Variants in GPATCH1 observed in about 807,000 individuals in gnomAD.
GPATCH1 encodes the protein G patch domain-containing protein 1.
Under a neutral mutation model 114.9 loss-of-function variants are expected in GPATCH1, and 73 were observed. That is an observed-to-expected ratio of 0.64 (90% CI 0.53 to 0.77). The LOEUF (loss-of-function observed/expected upper bound fraction) is 0.77. Ranked by LOEUF, GPATCH1 falls within the 30% of genes least tolerant of loss-of-function variation. The probability of loss-of-function intolerance (pLI) is 0.00; values close to 1 mark genes in which losing one functional copy is unlikely to be tolerated. For synonymous variants in GPATCH1, 391 were observed against 428.4 expected, an observed-to-expected ratio of 0.91 and a Z score of 1.08; for missense variants, 1,058 against 1,144.3, an observed-to-expected ratio of 0.92 and a Z score of 1.09.
chr19:33,104,338 C>CAAAAAAAAAA (rs759908888), intron 9 of GPATCH1, among the ~76,000 whole-genome samples: 1,334 of 124,434 alleles, frequency 0.011, 71 homozygotes, highest in African/African-American at 0.042. Context: ...GACCCTGTCT[C>CAAAAAAAAAA]AAAAAAAAGA....
At chr19:33,095,559 A>C (rs1371639647) in intron 5 of GPATCH1, among the ~76,000 whole-genome samples, 4 of 149,468 alleles carry the variant, frequency 2.7e-5, no homozygotes, top group African/African-American at 7.4e-5. Flanking sequence ...CGCTGCGCCC[A>C]GCCTTTTTTT....
Position 33,125,120 on chromosome 19 carries a change from T to G in GPATCH1, c.2537T>G (p.Leu846Arg), listed in dbSNP as rs1973025704. ...TGTGTTTCAGATGCTCGTCAGACACTTGAGGTTCCTCAAAAAGAGAAACAT... is the reference window on the plus strand; with the variant it reads ...TGTGTTTCAGATGCTCGTCAGACACGTGAGGTTCCTCAAAAAGAGAAACAT... ...PVFCPNARQT[L>R]EVPQKEKHKK... is the part of the protein sequence containing the mutation. The change falls in exon 18 of 20, where the codon CTT becomes CGT. Residue 846 changes from leucine to arginine, a missense_variant. Transcript: ENST00000170564. 6.2e-7 allele frequency: 1 copy of G among 1,600,138 alleles called. No individual in the cohort carries two copies. The highest frequency in any genetic ancestry group is 1.3e-5 in the African/African-American group (1 of 74,438).
chr19:33,099,485 G>C (rs1179999225), intron 8 of GPATCH1, among the ~76,000 whole-genome samples: 2 of 151,660 alleles, frequency 1.3e-5, no homozygotes, highest in Admixed American at 6.6e-5. Context: ...CTCTCCCCCA[G>C]CTTCCTCTCT....
intron 1 of GPATCH1, among the ~76,000 whole-genome samples, chr19:33,082,599 T>A (rs1972490399): frequency 6.6e-6 from 1 of 152,126 alleles, no homozygotes; most frequent in Non-Finnish European, 1.5e-5. Flanking sequence ...ATCCCAGCAC[T>A]CTGGGAGGCT....
At position 33,114,366 on chromosome 19, in the gene GPATCH1, A is replaced by G. The variant is rs1568347881; in HGVS notation, c.2143A>G (p.Ser715Gly). The change falls in exon 15 of 20, where the codon AGC becomes GGC. Residue 715 changes from serine to glycine, a missense_variant. Ser to Gly is a moderately conservative substitution (Grantham distance 56, BLOSUM62 0). Coordinates refer to ENST00000170564, the MANE Select transcript of GPATCH1 (RefSeq NM_018025.3). ...AGCCGAGCCACCTAAACAACAGTCC[A>G]GCCCCTTAGTAAACAAAGAGGAAGA... Reference protein sequence around the residue: ...SKAEPPKQQSSPLVNKEEEHA... With the variant: ...SKAEPPKQQSGPLVNKEEEHA... 1.9e-6 allele frequency: 3 copies of G among 1,611,250 alleles called. No homozygotes were observed. Among genetic ancestry groups the G allele is most frequent in the South Asian group, 2.2e-5 (2 of 90,752 alleles).
At chr19:33,115,104 C>T (rs1239072211) in intron 15 of GPATCH1, among the ~76,000 whole-genome samples, 7 of 151,270 alleles carry the variant, frequency 4.6e-5, no homozygotes, top group African/African-American at 1.2e-4. Flanking sequence ...ACTCTGTGCC[C>T]AGGCTGGAGT....
At chr19:33,124,290 G>A (rs1973016902) in intron 17 of GPATCH1, among the ~76,000 whole-genome samples, 1 of 152,148 alleles carries the variant, frequency 6.6e-6, no homozygotes, top group African/African-American at 2.4e-5. Flanking sequence ...ATGGAGAATT[G>A]AGGCACATGC....
chr19:33,095,497 T>G (rs1279020684), intron 5 of GPATCH1, among the ~76,000 whole-genome samples: 1 of 151,878 alleles, frequency 6.6e-6, no homozygotes, highest in Non-Finnish European at 1.5e-5. Flanking sequence ...CTCCCGACCT[T>G]GTGATCCACC....
chr19:33,119,054 C>A lies in GPATCH1; in HGVS notation c.2458C>A (p.Gln820Lys). The stretch of plus-strand genomic sequence containing the variant: ...GGAGCCGCCACCTTCCTTCCCGATA[C>A]AAAAGATGCAGATAGATGAAAGAGA... ...PQEPPPSFPI[Q>K]KMQIDEREEF... Residue 820 changes from glutamine (Q) to lysine (K), a missense_variant, in exon 17 of 20, where the codon CAA becomes AAA. Gln to Lys is a moderately conservative substitution (Grantham distance 53). Coordinates refer to ENST00000170564, the MANE Select transcript of GPATCH1 (RefSeq NM_018025.3). 3.1e-6 allele frequency: 5 copies of A among 1,613,430 alleles called. No homozygotes were observed. The highest frequency in any genetic ancestry group is 4.2e-6 in the Non-Finnish European group (5 of 1,179,754).
In GPATCH1 at chr19:33,081,241, G is replaced by C. The variant is rs1322086875; in HGVS notation, c.48G>C (p.Gly16=). The stretch of plus-strand genomic sequence containing the variant: ...GCGAAGAAGATCTGGTCAGCTATGG[G>C]ACCGGGCTGGAGCCTCTGGAAGAAG... ...SDSEEDLVSY[G]TGLEPLEEGE... is the part of the protein sequence containing the mutation. The change falls in exon 1 of 20, where the codon GGG becomes GGC. Residue 16 remains glycine, a synonymous_variant. Coordinates refer to ENST00000170564, the MANE Select transcript of GPATCH1 (RefSeq NM_018025.3). The C allele has an allele frequency of 6.4e-7, 1 of 1,551,718 alleles. No individual in the cohort carries two copies. Among genetic ancestry groups the C allele is most frequent in the Non-Finnish European group, 8.7e-7 (1 of 1,147,038 alleles).
chr19:33,082,325 C>T (rs1254837851), intron 1 of GPATCH1, among the ~76,000 whole-genome samples: 2 of 152,122 alleles, frequency 1.3e-5, no homozygotes, highest in African/African-American at 4.8e-5. Context: ...GCTGTGCTAG[C>T]CCTGTAGGGA....
At chr19:33,086,703 G>A (rs894491748) in intron 1 of GPATCH1, among the ~76,000 whole-genome samples, 38 of 152,202 alleles carry the variant, frequency 2.5e-4, no homozygotes, top group Non-Finnish European at 4.3e-4. Context: ...TGATCCACCC[G>A]CCTCAGCCTC....
At chr19:33,122,675 C>A (rs1434701909) in intron 17 of GPATCH1, among the ~76,000 whole-genome samples, 1 of 152,014 alleles carries the variant, frequency 6.6e-6, no homozygotes, top group Non-Finnish European at 1.5e-5. Flanking sequence ...TCTTTTATGT[C>A]CCTTTACCAT....
intron 5 of GPATCH1, among the ~76,000 whole-genome samples, chr19:33,094,854 AG>A (rs1458932904): frequency 2.6e-5 from 4 of 152,108 alleles, no homozygotes; most frequent in African/African-American, 9.7e-5. Context: ...ACTGCTAGGT[AG>A]GGCAGGTGCT....
At chr19:33,097,716 T>TA in intron 7 of GPATCH1, 39 bp from the exon 8 acceptor site, 3 of 1,601,002 alleles carry the variant, frequency 1.9e-6, no homozygotes, top group Non-Finnish European at 2.6e-6. Flanking sequence ...AGACATACCC[T>TA]AACACCTGTG....
chr19:33,090,766 T>A lies in GPATCH1; in HGVS notation c.209-14T>A. On this transcript the variant is annotated splice_polypyrimidine_tract_variant and intron_variant, in intron 2 of 19. Coordinates refer to ENST00000170564, the MANE Select transcript of GPATCH1 (RefSeq NM_018025.3). ...TCTCTAGGATTGTAAAGTTCTAAAC[T>A]CTTTTTTTTTCAGGATGGACACCCT... 2 of 1,562,728 alleles carry A rather than the reference T, an allele frequency of 1.3e-6. No homozygotes were observed. Among genetic ancestry groups the A allele is most frequent in the Non-Finnish European group, 1.8e-6 (2 of 1,133,696 alleles).
intron 3 of GPATCH1, 68 bp downstream of exon 3, chr19:33,090,933 TTC>T: frequency 1.1e-6 from 1 of 899,840 alleles, no homozygotes; most frequent in Non-Finnish European, 1.9e-6. Context: ...TGTAACTGCC[TTC>T]TCTCTCCCCA....
chr19:33,121,147 G>T (rs980437342), intron 17 of GPATCH1, among the ~76,000 whole-genome samples: 1 of 151,276 alleles, frequency 6.6e-6, no homozygotes, highest in East Asian at 1.9e-4. Flanking sequence ...TTCAGACAGG[G>T]TCTCACTCTG....
At chr19:33,097,636 CTT>C (rs1972677067) in intron 7 of GPATCH1, 117 bp from the exon 8 acceptor site, 1 of 906,652 alleles carries the variant, frequency 1.1e-6, no homozygotes, top group Non-Finnish European at 1.7e-6. Flanking sequence ...TCACTTCTCT[CTT>C]GGTGATCTTG....
Sources: allele counts gnomAD v4.1 joint callset (sites outside exome capture counted in the v4.1 genomes callset), GRCh38; gene constraint gnomAD v4.1.1; transcripts MANE v1.5; gene names NCBI Gene and HGNC (gene_info 2026-07-23, HGNC 2026-07-21).